Variants in CARS1 observed in about 807,000 individuals in gnomAD.
CARS1 encodes the protein cysteinyl-tRNA synthetase 1.
CARS1 carries 48 observed loss-of-function variants against 106.2 expected under a neutral mutation model. That is an observed-to-expected ratio of 0.45 (90% CI 0.36 to 0.57). The LOEUF is 0.57. CARS1 is among the 20% of genes least tolerant of loss of function. CARS1 has a pLI of 0.00. For missense variants in CARS1, 968 were observed against 1,057.2 expected, an observed-to-expected ratio of 0.92 and a Z score of 1.17; for synonymous variants, 409 against 403.4, an observed-to-expected ratio of 1.01 and a Z score of -0.17.
intron 7 of CARS1, chr11:3,031,293 C>T (rs931850802): frequency 6.6e-6 from 1 of 152,014 alleles, no homozygotes; most frequent in African/African-American, 2.4e-5. Flanking sequence ...GAAGGGCAGC[C>T]GATGTTTTCA....
Position 3,043,076 on chromosome 11 carries a change from C to T in CARS1, c.275-820G>A, listed in dbSNP as rs966438900. ...TCCTCTCAGCCTCCAGGCAGAGACC[C>T]CTGCCAGCCAGCCCCTCAGTGCAGT... On this transcript the variant is annotated intron_variant, in intron 2 of 22. Transcript: ENST00000380525. The surrounding 1 kb of genome is among the most constrained non-coding windows in gnomAD (Gnocchi z 4.0). Among the ~76,000 whole-genome samples the T allele has an allele frequency of 2.0e-5, 3 of 152,182 alleles. No homozygotes were observed. Among genetic ancestry groups the T allele is most frequent in the African/African-American group, 4.8e-5 (2 of 41,450 alleles).
chr11:3,040,811 C>A lies in CARS1; in HGVS notation c.455+85G>T. On this transcript the variant is annotated intron_variant, in intron 4 of 22. Transcript: ENST00000380525. This position sits in a 1 kb window ranked among gnomAD's most constrained non-coding sequence, Gnocchi z 5.8. ...GTAGCAGATCTAAGATCTTTGTGGA[C>A]CTAAGATCGCTGCTGTGGATCCCAA... 2 of 1,377,340 alleles carry A rather than the reference C, an allele frequency of 1.5e-6. No homozygotes were observed. The highest frequency in any genetic ancestry group is 2.3e-5 in the East Asian group (1 of 43,620). 85.3% of individuals were successfully genotyped at this position (1,377,340 alleles called of 1,614,324 possible).
Position 3,028,660 on chromosome 11 carries a change from T to C in CARS1, c.1031+336A>G. On this transcript the variant is annotated intron_variant, in intron 9 of 22. Coordinates refer to ENST00000380525, the MANE Select transcript of CARS1 (RefSeq NM_001014437.3). This position sits in a 1 kb window ranked among gnomAD's most constrained non-coding sequence, Gnocchi z 4.4. ...GACACCAGGACTAGCACTCTCAAAA[T>C]GTCTACGCAATGGCACTGATGTCTG... 3 of 360,868 alleles carry C rather than the reference T, an allele frequency of 8.3e-6. No individual in the cohort carries two copies. In the Admixed American group the frequency reaches 1.3e-4, roughly 16 times the overall value. The allele number at this position is 360,868 out of a possible 1,614,324, so 22.4% of individuals were successfully genotyped here. A position where few individuals can be genotyped will look rare whatever the true frequency, so the allele number is the denominator to read the frequency against.
chr11:3,009,490 G>C (rs1850236789), intron 18 of CARS1: 1 of 152,302 alleles, frequency 6.6e-6, no homozygotes, highest in Non-Finnish European at 1.5e-5. Context: ...GAAAAGGGAA[G>C]AGTTCTGGAG....
At chr11:3,024,826 GTTCT>G (rs1417573122) in intron 10 of CARS1, among the ~76,000 whole-genome samples, 1 of 152,206 alleles carries the variant, frequency 6.6e-6, no homozygotes, top group Non-Finnish European at 1.5e-5. Context: ...CTTGAAAACG[GTTCT>G]TTGAGATTTG....
chr11:3,036,319 A>C (rs1853629741), intron 7 of CARS1, among the ~76,000 whole-genome samples: 1 of 152,240 alleles, frequency 6.6e-6, no homozygotes, highest in African/African-American at 2.4e-5. Flanking sequence ...AACCCCCGAC[A>C]GTCACTCACA....
rs373970247 is a variant in CARS1, at chr11:3,019,158, T to C, written c.1376A>G (p.Asn459Ser). The C allele has an allele frequency of 5.9e-6, 9 of 1,522,990 alleles. No individual in the cohort carries two copies. Among genetic ancestry groups the C allele is most frequent in the African/African-American group, 2.8e-5 (2 of 71,012 alleles). 94.3% of individuals were successfully genotyped at this position (1,522,990 alleles called of 1,614,324 possible). Reference protein sequence around the residue: ...GFDLRFPHHDNELAQSEAYFE... With the variant: ...GFDLRFPHHDSELAQSEAYFE... ...ACCTACCTCCGACTGTGCCAGCTCATTGTCATGGTGGGGGAACCGGAGGTC... is the reference window on the plus strand; with the variant it reads ...ACCTACCTCCGACTGTGCCAGCTCACTGTCATGGTGGGGGAACCGGAGGTC... Residue 459 changes from asparagine (N) to serine (S), a missense_variant, in exon 12 of 23, where the codon AAT becomes AGT. Physicochemically the swap from Asn to Ser is conservative, Grantham distance 46. Transcript: ENST00000380525. The surrounding 1 kb of genome is among the most constrained non-coding windows in gnomAD (Gnocchi z 6.2).
chr11:3,047,016 A>T (rs1392891962), intron 2 of CARS1, among the ~76,000 whole-genome samples: 1 of 152,126 alleles, frequency 6.6e-6, no homozygotes, highest in African/African-American at 2.4e-5. Flanking sequence ...GGTGGTTCAC[A>T]CTTGTAATCC....
At position 3,021,388 on chromosome 11, in the gene CARS1, C is replaced by A. The variant is rs1203385321; in HGVS notation, c.1154-1056G>T. On this transcript the variant is annotated intron_variant, in intron 10 of 22. Transcript: ENST00000380525. This position sits in a 1 kb window ranked among gnomAD's most constrained non-coding sequence, Gnocchi z 5.3. ...AAGGGCTGCCTTAGGTGCTGTCACC[C>A]CCTTGTGGAGGAAGAACAGACTCCA... is the stretch of plus-strand genomic sequence containing the variant. Among the ~76,000 whole-genome samples the A allele has an allele frequency of 6.6e-6, 1 of 152,140 alleles. No homozygotes were observed. Among genetic ancestry groups the A allele is most frequent in the Non-Finnish European group, 1.5e-5 (1 of 68,034 alleles).
At chr11:3,006,743 A>G in intron 19 of CARS1, 136 bp downstream of exon 19, 1 of 766,162 alleles carries the variant, frequency 1.3e-6, no homozygotes, top group South Asian at 1.5e-5. Flanking sequence ...GCGCCGGGGG[A>G]CCCATGGGGC....
At chr11:3,010,773 C>CGCCTCTCG (rs1850373720) in intron 18 of CARS1, among the ~76,000 whole-genome samples, 1 of 152,262 alleles carries the variant, frequency 6.6e-6, no homozygotes. Flanking sequence ...TCGGCTCCTC[C>CGCCTCTCG]GCCTCTCGGC....
At position 3,029,710 on chromosome 11, in the gene CARS1, A is replaced by AGGGCCGAGGTGGGC. The variant is rs879454974; in HGVS notation, c.802-281_802-268dup. On this transcript the variant is annotated intron_variant, in intron 7 of 22. Coordinates refer to ENST00000380525, the MANE Select transcript of CARS1 (RefSeq NM_001014437.3). This position sits in a 1 kb window ranked among gnomAD's most constrained non-coding sequence, Gnocchi z 5.9. ...GGGTGCAGAGGCAAAAAGAGGTGGG[A>AGGGCCGAGGTGGGC]GGGCCGAGGTGGGCCTGGTGAGCAT... 4.1e-6 allele frequency: 2 copies of AGGGCCGAGGTGGGC among 488,902 alleles called. No individual in the cohort carries two copies. The highest frequency in any genetic ancestry group is 1.9e-5 in the African/African-American group (1 of 51,902). The allele number at this position is 488,902 out of a possible 1,614,324, so 30.3% of individuals were successfully genotyped here.
rs1854193000 is a variant in CARS1 at position 3,039,866 on chromosome 11, T to TA, written c.520dup (p.Tyr174LeufsTer9). 6.3e-7 allele frequency: 1 copy of TA among 1,581,984 alleles called. No homozygotes were observed. The highest frequency in any genetic ancestry group is 1.4e-5 in the African/African-American group (1 of 73,922). On this transcript the variant is annotated frameshift_variant, in exon 5 of 23. Coordinates refer to ENST00000380525, the MANE Select transcript of CARS1 (RefSeq NM_001014437.3). LOFTEE classifies it high-confidence loss of function. The surrounding 1 kb of genome is among the most constrained non-coding windows in gnomAD (Gnocchi z 5.6). ...ATCAATATCCGTAATGTTCATGCAA[T>TA]AAAAGACATCAAATTTGAAGTAATC...
intron 1 of CARS1, chr11:3,054,930 G>T (rs1408521293): frequency 2.8e-6 from 2 of 702,472 alleles, no homozygotes; most frequent in Non-Finnish European, 5.2e-6. Context: ...AGGCCCTGAG[G>T]TAGGCTCCAT....
chr11:3,047,829 C>T lies in CARS1; in HGVS notation c.198G>A (p.Val66=), dbSNP rs1273728595. 1 of 1,614,058 alleles carries T rather than the reference C, an allele frequency of 6.2e-7. No homozygotes were observed. Among genetic ancestry groups the T allele is most frequent in the Non-Finnish European group, 8.5e-7 (1 of 1,180,050 alleles). The change falls in exon 2 of 23, where the codon GTG becomes GTA. Residue 66 remains valine, a synonymous_variant. Transcript: ENST00000380525. ...APPADPQLFH[V]ARWFRHIEAL... ...CTTCTATGTGCCTGAACCACCGAGC[C>T]ACGTGGAAGAGCTGGGGGTCAGCGG...
Position 3,039,982 on chromosome 11 carries a change from T to A in CARS1, c.456-51A>T. The A allele has an allele frequency of 1.0e-6, 1 of 952,434 alleles. No individual in the cohort carries two copies. The highest frequency in any genetic ancestry group is 1.6e-6 in the Non-Finnish European group (1 of 614,062). 59.0% of individuals were successfully genotyped at this position (952,434 alleles called of 1,614,324 possible). A position where few individuals can be genotyped will look rare whatever the true frequency, so the allele number is the denominator to read the frequency against. ...TCCACACCAGACGATATGTATAGCT[T>A]AACCTCCAACAACACGTGTTTGAAC... On this transcript the variant is annotated intron_variant, in intron 4 of 22. Coordinates refer to ENST00000380525, the MANE Select transcript of CARS1 (RefSeq NM_001014437.3). This position sits in a 1 kb window ranked among gnomAD's most constrained non-coding sequence, Gnocchi z 5.6.
rs1374146222 is a variant in CARS1, at chr11:3,045,880, C to T, written c.274+1873G>A. Among the ~76,000 whole-genome samples, 1 of 152,212 alleles carries T rather than the reference C, an allele frequency of 6.6e-6. No individual in the cohort carries two copies. Among genetic ancestry groups the T allele is most frequent in the African/African-American group, 2.4e-5 (1 of 41,446 alleles). ...GTCATCCCAGGGACATGGGCGAGGA[C>T]ACTACACTGGACTCCATGGCGCCTT... On this transcript the variant is annotated intron_variant, in intron 2 of 22. Transcript: ENST00000380525. This position sits in a 1 kb window ranked among gnomAD's most constrained non-coding sequence, Gnocchi z 5.6.
Position 3,022,493 on chromosome 11 carries a change from T to C in CARS1, c.1154-2161A>G, listed in dbSNP as rs183755973. ...TTTGTCCACCATACAATTACTACGC[T>C]TCTTCTACGGCAACCCCTGGTATCC... On this transcript the variant is annotated intron_variant, in intron 10 of 22. Coordinates refer to ENST00000380525, the MANE Select transcript of CARS1 (RefSeq NM_001014437.3). The surrounding 1 kb of genome is among the most constrained non-coding windows in gnomAD (Gnocchi z 4.9). Among the ~76,000 whole-genome samples, 2 of 152,318 alleles carry C rather than the reference T, an allele frequency of 1.3e-5. No individual in the cohort carries two copies. Among genetic ancestry groups the C allele is most frequent in the Admixed American group, 1.3e-4 (2 of 15,304 alleles).
Position 3,019,309 on chromosome 11 carries a change from C to T in CARS1, c.1267-42G>A. 7.3e-7 allele frequency: 1 copy of T among 1,374,722 alleles called. No individual in the cohort carries two copies. The highest frequency in any genetic ancestry group is 2.7e-5 in the East Asian group (1 of 36,818). 85.2% of individuals were successfully genotyped at this position (1,374,722 alleles called of 1,614,324 possible). A position where few individuals can be genotyped will look rare whatever the true frequency, so the allele number is the denominator to read the frequency against. On this transcript the variant is annotated intron_variant, in intron 11 of 22. Coordinates refer to ENST00000380525, the MANE Select transcript of CARS1 (RefSeq NM_001014437.3). The surrounding 1 kb of genome is among the most constrained non-coding windows in gnomAD (Gnocchi z 6.2). ...ACACAGTGACTGACCAGCCTACCCG[C>T]TTGTCCAGGCCTTTATCACTTATCA...
Sources: gnomAD v4.1 joint callset for allele counts (sites outside exome capture counted in the v4.1 genomes callset) on GRCh38, gnomAD v4.1.1 for gene constraint, Gnocchi (gnomAD v3.1) non-coding constraint, MANE v1.5 for transcripts, NCBI Gene and HGNC (gene_info 2026-07-23, HGNC 2026-07-21) for gene names.